The following VKORC1L1 variants were observed in gnomAD, a reference collection of about 807,000 sequenced individuals.
VKORC1L1 encodes vitamin K epoxide reductase complex subunit 1L1.
In VKORC1L1, 2 loss-of-function variants were observed where a neutral mutation model predicts 18.9. That is an observed-to-expected ratio of 0.11 (90% CI 0.04 to 0.33). The LOEUF (loss-of-function observed/expected upper bound fraction) is 0.33, where lower values mean the gene tolerates loss of function less well. Ranked by LOEUF, VKORC1L1 falls within the 10% of genes least tolerant of loss-of-function variation. The probability of loss-of-function intolerance (pLI) is 1.00; values close to 1 mark genes in which losing one functional copy is unlikely to be tolerated. For missense variants in VKORC1L1, 123 were observed against 224.1 expected (o/e 0.55, Z 2.88); for synonymous variants, 96 against 100.0 (o/e 0.96, Z 0.24).
chr7:65,895,476 AAAAAATATATATATATATAT>A (rs1789183871), intron 1 of VKORC1L1, among the ~76,000 whole-genome samples: 4 of 41,348 alleles, frequency 9.7e-5, no homozygotes, highest in African/African-American at 2.8e-4. Context: ...AAAAAAAAAA[AAAAAATATATATATATATAT>A]ATATATATAT....
chr7:65,879,221 TTAA>T (rs1219626914), intron 1 of VKORC1L1, among the ~76,000 whole-genome samples: 2 of 152,190 alleles, frequency 1.3e-5, no homozygotes, highest in African/African-American at 4.8e-5. Context: ...TAGTGAAATG[TTAA>T]TAACTGCTAG....
chr7:65,912,337 C>T (rs1024203960), intron 1 of VKORC1L1, among the ~76,000 whole-genome samples: 1 of 152,104 alleles, frequency 6.6e-6, no homozygotes, highest in African/African-American at 2.4e-5. Flanking sequence ...GTTTTTTCTC[C>T]AGGAAGCCAC....
upstream of VKORC1L1, among the ~76,000 whole-genome samples, chr7:65,869,272 C>T (rs375153898): frequency 3.8e-4 from 57 of 151,994 alleles, 1 homozygote; most frequent in East Asian, 9.1e-3. Context: ...CAAGATCACA[C>T]CACTGCACTC....
chr7:65,871,584 A>C (rs1788726640), upstream of VKORC1L1, among the ~76,000 whole-genome samples: 1 of 152,116 alleles, frequency 6.6e-6, no homozygotes, highest in African/African-American at 2.4e-5. Context: ...AAGGACTGTG[A>C]TCTCACTCTC....
At chr7:65,945,483 G>A (rs1790105077) in intron 1 of VKORC1L1, among the ~76,000 whole-genome samples, 1 of 151,874 alleles carries the variant, frequency 6.6e-6, no homozygotes, top group African/African-American at 2.4e-5. Flanking sequence ...ATGGTGGTGG[G>A]CGCCTGTAGT....
intron 1 of VKORC1L1, among the ~76,000 whole-genome samples, chr7:65,875,919 C>G (rs556404404): frequency 6.6e-6 from 1 of 152,266 alleles, no homozygotes; most frequent in South Asian, 2.1e-4. Flanking sequence ...TTGGATTGCT[C>G]AAACTCACTT....
upstream of VKORC1L1, among the ~76,000 whole-genome samples, chr7:65,869,196 T>G (rs1165220211): frequency 6.6e-6 from 1 of 151,446 alleles, no homozygotes; most frequent in Non-Finnish European, 1.5e-5. Flanking sequence ...GCACCTGTAG[T>G]CTCAGCTACT....
intron 1 of VKORC1L1, among the ~76,000 whole-genome samples, chr7:65,903,641 G>A (rs1023906280): frequency 4.6e-5 from 7 of 152,196 alleles, no homozygotes; most frequent in South Asian, 2.1e-4. Context: ...GCATGGTGGC[G>A]CGCGCCTGTG....
chr7:65,924,615 T>C (rs1470013565), intron 1 of VKORC1L1, among the ~76,000 whole-genome samples: 3 of 152,230 alleles, frequency 2.0e-5, no homozygotes, highest in Non-Finnish European at 4.4e-5. Context: ...CCATGAGTTG[T>C]AGTTTGCCAA....
At chr7:65,937,821 T>C (rs1480054342) in intron 1 of VKORC1L1, among the ~76,000 whole-genome samples, 1 of 152,204 alleles carries the variant, frequency 6.6e-6, no homozygotes, top group African/African-American at 2.4e-5. Context: ...TATGGATGTA[T>C]GTCCAAGGAA....
rs192256623 is a variant in VKORC1L1, at chr7:65,917,947, T to C, written c.195-30724T>C. On this transcript the variant is annotated intron_variant, in intron 1 of 2. Coordinates refer to ENST00000360768, the MANE Select transcript of VKORC1L1 (RefSeq NM_173517.6). The stretch of plus-strand genomic sequence containing the variant: ...GACAATGGTCTGGAAATAGTCTTGG[T>C]GTCACAACTGGGCAGGGTCGCGATA... 7.2e-5 allele frequency among the ~76,000 whole-genome samples: 11 copies of C among 152,342 alleles called. No individual in the cohort carries two copies. In the East Asian group the frequency reaches 1.9e-3, roughly 27 times the overall value.
chr7:65,924,256 T>C (rs542397246), intron 1 of VKORC1L1, among the ~76,000 whole-genome samples: 1 of 152,328 alleles, frequency 6.6e-6, no homozygotes, highest in South Asian at 2.1e-4. Context: ...AGCTAGACCC[T>C]GGACCAGGTT....
At chr7:65,878,779 G>A (rs183519342) in intron 1 of VKORC1L1, among the ~76,000 whole-genome samples, 3 of 152,018 alleles carry the variant, frequency 2.0e-5, no homozygotes, top group South Asian at 4.2e-4. Flanking sequence ...GGTGGCACAC[G>A]CCTGTAGTCC....
intron 1 of VKORC1L1, among the ~76,000 whole-genome samples, chr7:65,903,794 G>A (rs79762126): frequency 7.7e-4 from 109 of 141,924 alleles, no homozygotes; most frequent in African/African-American, 2.7e-3. Context: ...AAAAAAAAAG[G>A]CCTACTGGAA....
At chr7:65,868,309 AAGTC>A (rs1181031562), upstream of VKORC1L1, among the ~76,000 whole-genome samples, 2 of 152,170 alleles carry the variant, frequency 1.3e-5, no homozygotes, top group African/African-American at 2.4e-5. Context: ...AAAAAATTGA[AAGTC>A]AGAAAAAAAA....
chr7:65,908,962 C>T (rs139802553), intron 1 of VKORC1L1, among the ~76,000 whole-genome samples: 181 of 150,354 alleles, frequency 1.2e-3, no homozygotes, highest in African/African-American at 4.2e-3. Flanking sequence ...AGCTGAATTA[C>T]GTTTTAATAA....
At chr7:65,924,648 A>G (rs532367168) in intron 1 of VKORC1L1, among the ~76,000 whole-genome samples, 109 of 152,348 alleles carry the variant, frequency 7.2e-4, no homozygotes, top group Non-Finnish European at 9.3e-4. Flanking sequence ...TAAAACCTCC[A>G]GGGTATTCCT....
At position 65,886,606 on chromosome 7, in the gene VKORC1L1, C is replaced by T. The variant is rs939913573; in HGVS notation, c.194+13041C>T. On this transcript the variant is annotated intron_variant, in intron 1 of 2. Transcript: ENST00000360768. ...AGGCTGGAGTGCAGTGGTGCAATCT[C>T]GGCTCACTGCAACCTCCGCCTCCCG... Among the ~76,000 whole-genome samples the T allele has an allele frequency of 2.3e-3, 353 of 150,214 alleles. 1 individual carries two copies. The highest frequency in any genetic ancestry group is 8.3e-3 in the African/African-American group (338 of 40,910).
chr7:65,899,005 T>G (rs1482134900), intron 1 of VKORC1L1, among the ~76,000 whole-genome samples: 1 of 152,218 alleles, frequency 6.6e-6, no homozygotes, highest in Non-Finnish European at 1.5e-5. Context: ...TTTACTTTGT[T>G]TATTATCCAT....
Sources: gnomAD v4.1 joint callset for allele counts (sites outside exome capture counted in the v4.1 genomes callset) on GRCh38, gnomAD v4.1.1 for gene constraint, MANE v1.5 for transcripts, NCBI Gene and HGNC (gene_info 2026-07-23, HGNC 2026-07-21) for gene names.